Variants in CC2D2A observed in about 807,000 individuals in gnomAD.
CC2D2A encodes coiled-coil and C2 domain-containing protein 2A.
A neutral mutation model predicts 212.9 loss-of-function variants in CC2D2A; 155 were observed. The observed-to-expected ratio is 0.73, with a 90% CI of 0.64 to 0.83. The LOEUF (loss-of-function observed/expected upper bound fraction) is 0.83. Ranked by LOEUF, CC2D2A falls within the 40% of genes least tolerant of loss-of-function variation. The probability of loss-of-function intolerance (pLI) is 0.00; values close to 1 mark genes in which losing one functional copy is unlikely to be tolerated. For missense variants in CC2D2A, 1,856 were observed against 1,956.2 expected, an observed-to-expected ratio of 0.95 and a Z score of 0.97; for synonymous variants, 667 against 686.5, an observed-to-expected ratio of 0.97 and a Z score of 0.44.
At chr4:15,561,636 C>T (rs1719606638) in intron 23 of CC2D2A, 1 of 151,338 alleles carries the variant, frequency 6.6e-6, no homozygotes, top group African/African-American at 2.4e-5. Context: ...TCAGTTCCTT[C>T]TTGGCTTTAA....
At chr4:15,473,273 G>A (rs892311480) in intron 1 of CC2D2A, 1 of 152,220 alleles carries the variant, frequency 6.6e-6, no homozygotes, top group Non-Finnish European at 1.5e-5. Context: ...TGTATGTTGA[G>A]TGGTAATAAG....
intron 7 of CC2D2A, 35 bp downstream of exon 7, chr4:15,510,275 T>C (rs1716495815): frequency 6.4e-7 from 1 of 1,571,286 alleles, no homozygotes; most frequent in Non-Finnish European, 8.7e-7. Context: ...CATTTGTTTG[T>C]TTGTGTTTTT....
chr4:15,569,035 G>T (rs1197806926), intron 26 of CC2D2A, among the ~76,000 whole-genome samples: 2 of 152,166 alleles, frequency 1.3e-5, no homozygotes, highest in Non-Finnish European at 2.9e-5. Context: ...TACCACAAGG[G>T]TGTGGGGGAA....
chr4:15,530,256 C>T (rs1428352798), intron 13 of CC2D2A, among the ~76,000 whole-genome samples: 1 of 152,208 alleles, frequency 6.6e-6, no homozygotes, highest in Non-Finnish European at 1.5e-5. Context: ...CAGGCGTGAG[C>T]CACCGCGCCC....
At chr4:15,472,086 C>T (rs1424792676) in intron 1 of CC2D2A, among the ~76,000 whole-genome samples, 1 of 152,076 alleles carries the variant, frequency 6.6e-6, no homozygotes, top group African/African-American at 2.4e-5. Flanking sequence ...ATTATTGATG[C>T]CATTGCAAAA....
intron 17 of CC2D2A, among the ~76,000 whole-genome samples, chr4:15,545,576 G>A (rs577382734): frequency 4.1e-4 from 63 of 152,170 alleles, no homozygotes; most frequent in African/African-American, 1.5e-3. Flanking sequence ...TTGCATGTTT[G>A]TAACCATAAG....
chr4:15,601,448 A>G lies in CC2D2A; in HGVS notation c.*23A>G. 1 of 1,377,358 alleles carries G rather than the reference A, an allele frequency of 7.3e-7. No individual in the cohort carries two copies. The highest frequency in any genetic ancestry group is 9.6e-7 in the Non-Finnish European group (1 of 1,042,724). The allele number at this position is 1,377,358 out of a possible 1,614,324, so 85.3% of individuals were successfully genotyped here. A position where few individuals can be genotyped will look rare whatever the true frequency, so the allele number is the denominator to read the frequency against. On this transcript the variant is annotated 3_prime_UTR_variant, in exon 37 of 37. Transcript: ENST00000424120. ...TAATTTTTTTCACTGTACTTTCTGT[A>G]TCATGTAAAAACTACACTTAGGATA...
At chr4:15,502,328 C>A in intron 4 of CC2D2A, 101 bp from the exon 5 acceptor site, 1 of 856,286 alleles carries the variant, frequency 1.2e-6, no homozygotes, top group Non-Finnish European at 1.8e-6. Context: ...TTTAATTTAA[C>A]CTTCCCTTTT....
rs544085385 is a variant in CC2D2A at position 15,474,412 on chromosome 4, T to C, written c.-18-1503T>C. 1.4e-4 allele frequency among the ~76,000 whole-genome samples: 22 copies of C among 151,930 alleles called. No individual in the cohort carries two copies. In the South Asian group the frequency reaches 4.2e-3, roughly 29 times the overall value. ...ATCAAAATAATTGAACTCATGGAGA[T>C]AGAGAAGAGAAGGATGGTTACCAGA... On this transcript the variant is annotated intron_variant, in intron 1 of 36. Transcript: ENST00000424120.
In CC2D2A at chr4:15,519,211, G is replaced by T. The variant is rs1345795892; in HGVS notation, c.1149+2455G>T. 1.0e-5 allele frequency: 3 copies of T among 296,806 alleles called. No homozygotes were observed. The Admixed American group carries it at 1.3e-4, about 13-fold the overall frequency. The allele number at this position is 296,806 out of a possible 1,614,324, so 18.4% of individuals were successfully genotyped here. ...AAATCATCTCTCTCTCAAGTTCAAAGTTCCACAAATCTCTAGGGCAGAGGC... is the reference window on the plus strand; with the variant it reads ...AAATCATCTCTCTCTCAAGTTCAAATTTCCACAAATCTCTAGGGCAGAGGC... On this transcript the variant is annotated intron_variant, in intron 11 of 36. Transcript: ENST00000424120.
chr4:15,475,864 C>A (rs1038586450), intron 1 of CC2D2A, 51 bp from the exon 2 acceptor site: 1 of 1,365,060 alleles, frequency 7.3e-7, no homozygotes, highest in South Asian at 1.2e-5. Flanking sequence ...GTAAGAGAAG[C>A]AATATTTCAT....
intron 17 of CC2D2A, among the ~76,000 whole-genome samples, chr4:15,541,861 CA>C (rs1346461497): frequency 6.6e-6 from 1 of 152,000 alleles, no homozygotes; most frequent in Non-Finnish European, 1.5e-5. Context: ...TTGGTGGCTT[CA>C]AAACAACAGA....
Position 15,478,804 on chromosome 4 carries a change from C to A in CC2D2A, c.121C>A (p.Gln41Lys). ...SKVRRQPRKK[Q>K]PPTAVPKEMV... is the part of the protein sequence containing the mutation. ...GGTTCGAAGACAGCCAAGAAAGAAA[C>A]AGGTAAGAAGTGACAAGAAACTGTG... The change falls in exon 3 of 37, where the codon CAG (glutamine) becomes AAG (lysine). Residue 41 changes from glutamine to lysine, a missense_variant and splice_region_variant. Coordinates refer to ENST00000424120, the MANE Select transcript of CC2D2A (RefSeq NM_001378615.1). 6.4e-7 allele frequency: 1 copy of A among 1,552,002 alleles called. No homozygotes were observed. Among genetic ancestry groups the A allele is most frequent in the Non-Finnish European group, 8.7e-7 (1 of 1,146,776 alleles).
intron 2 of CC2D2A, among the ~76,000 whole-genome samples, chr4:15,477,918 T>G (rs904119710): frequency 2.6e-5 from 4 of 152,186 alleles, no homozygotes; most frequent in African/African-American, 9.7e-5. Flanking sequence ...TACTTTGTGT[T>G]CCGAATTTGT....
intron 26 of CC2D2A, 68 bp from the exon 27 acceptor site, chr4:15,569,225 G>A: frequency 4.8e-6 from 4 of 835,422 alleles, no homozygotes; most frequent in African/African-American, 1.7e-5. Flanking sequence ...TTCAAATGCT[G>A]ACATTTGAAT....
intron 11 of CC2D2A, among the ~76,000 whole-genome samples, chr4:15,521,792 T>C (rs956239449): frequency 6.6e-6 from 1 of 152,236 alleles, no homozygotes; most frequent in Admixed American, 6.5e-5. Context: ...CCTTCTTTTC[T>C]ATGCCTATCT....
At chr4:15,587,587 G>A (rs1290522771) in intron 31 of CC2D2A, among the ~76,000 whole-genome samples, 1 of 152,162 alleles carries the variant, frequency 6.6e-6, no homozygotes, top group African/African-American at 2.4e-5. Flanking sequence ...CAATCATAGT[G>A]AGTATTGATT....
In CC2D2A at chr4:15,536,931, A is replaced by G. The variant is rs1283352985; in HGVS notation, c.1619A>G (p.Asp540Gly). 1.2e-6 allele frequency: 2 copies of G among 1,613,594 alleles called. No individual in the cohort carries two copies. Among genetic ancestry groups the G allele is most frequent in the East Asian group, 4.5e-5 (2 of 44,896 alleles). ...LKLVLRKEKA[D>G]QKADEEAYEA... ...AAATTATTTTAAAGGGAAAAAGCTG[A>G]CCAGAAAGCAGATGAAGAAGCATAT... is the stretch of plus-strand genomic sequence containing the variant. The change falls in exon 15 of 37, where the codon GAC becomes GGC. Residue 540 changes from aspartate to glycine, a missense_variant. Physicochemically the swap from Asp to Gly is moderately conservative, Grantham distance 94. This residue lies in a region of CC2D2A where 1,512 missense variants were observed against 1,579.3 expected (regional missense o/e 0.96). Transcript: ENST00000424120.
chr4:15,481,665 G>A (rs946296853), intron 4 of CC2D2A: 2 of 465,116 alleles, frequency 4.3e-6, no homozygotes, highest in Admixed American at 6.2e-5. Flanking sequence ...CATGCTTATT[G>A]CACAGTCTGC....
Sources: allele counts gnomAD v4.1 joint callset (sites outside exome capture counted in the v4.1 genomes callset), GRCh38; gene constraint gnomAD v4.1.1; regional missense constraint gnomAD v4.1.1; transcripts MANE v1.5; gene names NCBI Gene and HGNC (gene_info 2026-07-23, HGNC 2026-07-21).